The following GADL1 variants were observed in gnomAD, a reference collection of about 807,000 sequenced individuals.
GADL1 encodes acidic amino acid decarboxylase GADL1.
In GADL1, 71 loss-of-function variants were observed where a neutral mutation model predicts 69.5. That is an observed-to-expected ratio of 1.02 (90% CI 0.84 to 1.25). GADL1 has a LOEUF of 1.25. Ranked by LOEUF, GADL1 falls within the 50% of genes most tolerant of loss-of-function variation. GADL1 has a pLI of 0.00. For synonymous variants in GADL1, 254 were observed against 214.4 expected (o/e 1.18, Z -1.62); for missense variants, 737 against 631.8 (o/e 1.17, Z -1.79).
At position 30,798,365 on chromosome 3, in the gene GADL1, A is replaced by C. The variant is rs186274188; in HGVS notation, c.1250+2524T>G. 4.9e-3 allele frequency: 758 copies of C among 153,204 alleles called. 6 individuals carry two copies. The highest frequency in any genetic ancestry group is 0.018 in the African/African-American group (734 of 41,588). 9.5% of individuals were successfully genotyped at this position (153,204 alleles called of 1,614,324 possible). On this transcript the variant is annotated intron_variant, in intron 12 of 14. Transcript: ENST00000282538. Reference sequence around the variant, plus strand: ...AGGCCTCAGAATCATGGTGGGAGGCAAAAGGCACTTCTTACGTGGAAGTGG... The same window carrying C: ...AGGCCTCAGAATCATGGTGGGAGGCCAAAGGCACTTCTTACGTGGAAGTGG...
chr3:30,814,982 ATT>A lies in GADL1; in HGVS notation c.1051-13896_1051-13895del, dbSNP rs71744579. Among the ~76,000 whole-genome samples the A allele has an allele frequency of 2.8e-3, 390 of 141,624 alleles. 5 individuals carry two copies. The highest frequency in any genetic ancestry group is 0.016 in the Admixed American group (222 of 13,968). The allele number at this position is 141,624 out of a possible 152,430, so 92.9% of individuals were successfully genotyped here. On this transcript the variant is annotated intron_variant, in intron 11 of 14. Transcript: ENST00000282538. ...CTGTCTCATTTAAAAAAAAAAAAAA[ATT>A]TTTTTCATTAAGGCAAATTTTTAAT...
intron 11 of GADL1, among the ~76,000 whole-genome samples, chr3:30,815,491 G>T (rs931083358): frequency 6.6e-6 from 1 of 152,156 alleles, no homozygotes; most frequent in South Asian, 2.1e-4. Flanking sequence ...GATGTATTTA[G>T]AACAACCATG....
chr3:30,777,094 A>AGACAAC (rs1444538056), intron 14 of GADL1, among the ~76,000 whole-genome samples: 1 of 152,082 alleles, frequency 6.6e-6, no homozygotes, highest in Non-Finnish European at 1.5e-5. Context: ...AGGAATATTG[A>AGACAAC]GTTTCTCAAG....
intron 1 of GADL1, among the ~76,000 whole-genome samples, chr3:30,866,469 G>C (rs1698404443): frequency 6.6e-6 from 1 of 151,908 alleles, no homozygotes; most frequent in African/African-American, 2.4e-5. Flanking sequence ...AAAAATAATA[G>C]TAATAATAGT....
chr3:30,868,706 G>A (rs919605782), intron 1 of GADL1, among the ~76,000 whole-genome samples: 2 of 151,916 alleles, frequency 1.3e-5, no homozygotes, highest in Non-Finnish European at 2.9e-5. Flanking sequence ...TGTTGGCTCA[G>A]GTAGAAGTCA....
intron 1 of GADL1, among the ~76,000 whole-genome samples, chr3:30,880,194 A>G (rs961112625): frequency 2.0e-5 from 3 of 151,980 alleles, no homozygotes; most frequent in African/African-American, 7.2e-5. Context: ...AAAAAATACA[A>G]TTTTTAAAAT....
In GADL1 at chr3:30,753,138, T is replaced by C. The variant is rs143023789; in HGVS notation, c.1393-24723A>G. On this transcript the variant is annotated intron_variant, in intron 14 of 14. Coordinates refer to ENST00000282538, the MANE Select transcript of GADL1 (RefSeq NM_207359.3). ...TGGGTGAGTCAGTTATTTAGTCTGA[T>C]TTCAATCTTCTAAGTAACCTTGCGA... 6.4e-4 allele frequency among the ~76,000 whole-genome samples: 98 copies of C among 152,288 alleles called. 1 individual carries two copies. In the East Asian group the frequency reaches 0.013, roughly 20 times the overall value.
At chr3:30,838,190 G>A (rs376896156) in intron 9 of GADL1, among the ~76,000 whole-genome samples, 10 of 152,172 alleles carry the variant, frequency 6.6e-5, no homozygotes, top group African/African-American at 2.2e-4. Flanking sequence ...AAAACACCAT[G>A]TGCAATTGTC....
intron 14 of GADL1, among the ~76,000 whole-genome samples, chr3:30,767,996 CTT>C (rs765512578): frequency 4.6e-5 from 7 of 151,154 alleles, no homozygotes; most frequent in South Asian, 2.1e-4. Context: ...GCAAAATAAA[CTT>C]GAGATAGGAT....
intron 14 of GADL1, among the ~76,000 whole-genome samples, chr3:30,773,803 A>G (rs530596021): frequency 6.6e-6 from 1 of 152,294 alleles, no homozygotes; most frequent in South Asian, 2.1e-4. Context: ...TAGAAAAGGA[A>G]TTGCTGAAAG....
At chr3:30,756,583 G>GT (rs1232212261) in intron 14 of GADL1, among the ~76,000 whole-genome samples, 1 of 152,084 alleles carries the variant, frequency 6.6e-6, no homozygotes, top group African/African-American at 2.4e-5. Context: ...AAGTAATCGT[G>GT]TGCTAAATTC....
At chr3:30,837,398 A>T (rs1697891706) in intron 9 of GADL1, among the ~76,000 whole-genome samples, 1 of 152,164 alleles carries the variant, frequency 6.6e-6, no homozygotes, top group Admixed American at 6.5e-5. Context: ...TTAATCTAAT[A>T]CTATAGGCAT....
intron 14 of GADL1, among the ~76,000 whole-genome samples, chr3:30,761,703 G>T (rs924891930): frequency 7.0e-5 from 9 of 128,478 alleles, no homozygotes; most frequent in South Asian, 2.5e-4. Context: ...ATATCCATTT[G>T]TGTGTGAGGG....
intron 14 of GADL1, among the ~76,000 whole-genome samples, chr3:30,736,475 T>G (rs373032843): frequency 3.3e-5 from 5 of 152,334 alleles, no homozygotes; most frequent in African/African-American, 1.2e-4. Context: ...TAATAGGAAC[T>G]AATATTATTT....
intron 9 of GADL1, 51 bp downstream of exon 9, chr3:30,838,946 G>A (rs1304100147): frequency 1.8e-6 from 2 of 1,108,964 alleles, no homozygotes; most frequent in South Asian, 1.5e-5. Context: ...TTCTACCAAG[G>A]CTACAAAAAG....
chr3:30,837,125 A>G (rs888446085), intron 9 of GADL1, among the ~76,000 whole-genome samples: 4 of 150,798 alleles, frequency 2.7e-5, no homozygotes, highest in Admixed American at 1.3e-4. Flanking sequence ...CAGAAGAACA[A>G]GTAAATGTCT....
rs370277867 is a variant in GADL1 at position 30,877,432 on chromosome 3, A to C, written c.38-15667T>G. Among the ~76,000 whole-genome samples, 17 of 152,024 alleles carry C rather than the reference A, an allele frequency of 1.1e-4. 2 individuals are homozygous for C. Among genetic ancestry groups the C allele is most frequent in the East Asian group, 3.9e-4 (2 of 5,136 alleles). Reference sequence around the variant, plus strand: ...AACTTGAAAAATAAGGCCACTGACTAATATTAGGGAATCCAATTTTTCATA... The same window carrying C: ...AACTTGAAAAATAAGGCCACTGACTCATATTAGGGAATCCAATTTTTCATA... On this transcript the variant is annotated intron_variant, in intron 1 of 14. Coordinates refer to ENST00000282538, the MANE Select transcript of GADL1 (RefSeq NM_207359.3).
intron 14 of GADL1, among the ~76,000 whole-genome samples, chr3:30,766,828 A>T (rs1196594163): frequency 7.1e-6 from 1 of 139,956 alleles, no homozygotes; most frequent in Non-Finnish European, 1.6e-5. Flanking sequence ...GAATGATCAT[A>T]GACTTTCCTA....
At chr3:30,754,202 T>G (rs537313850) in intron 14 of GADL1, among the ~76,000 whole-genome samples, 7 of 152,294 alleles carry the variant, frequency 4.6e-5, no homozygotes, top group Non-Finnish European at 1.0e-4. Context: ...CTTTTTTGCT[T>G]TCCTCATGGA....
Sources: gnomAD v4.1 joint callset for allele counts (sites outside exome capture counted in the v4.1 genomes callset) on GRCh38, gnomAD v4.1.1 for gene constraint, MANE v1.5 for transcripts, NCBI Gene and HGNC (gene_info 2026-07-23, HGNC 2026-07-21) for gene names.